Variants in MAP4K5 observed in about 807,000 individuals in gnomAD.
The protein encoded by MAP4K5 is mitogen-activated protein kinase kinase kinase kinase 5.
Under a neutral mutation model 135.6 loss-of-function variants are expected in MAP4K5, and 82 were observed. The observed-to-expected ratio is 0.60, with a 90% CI of 0.51 to 0.73. The LOEUF is 0.73. Among genes scored for constraint, MAP4K5 ranks in the 30% least tolerant of loss-of-function variants. The probability of loss-of-function intolerance (pLI) is 0.00; values close to 1 mark genes in which losing one functional copy is unlikely to be tolerated. For missense variants in MAP4K5, 907 were observed against 1,010.9 expected (o/e 0.90, Z 1.39); for synonymous variants, 347 against 335.0 (o/e 1.04, Z -0.39).
chr14:50,441,210 G>C (rs890469305), intron 21 of MAP4K5, among the ~76,000 whole-genome samples: 9 of 152,054 alleles, frequency 5.9e-5, no homozygotes, highest in Admixed American at 2.6e-4. Flanking sequence ...ATTCTGAATG[G>C]CAATAGTATA....
chr14:50,441,980 G>A (rs995369706), intron 21 of MAP4K5, among the ~76,000 whole-genome samples: 3 of 151,886 alleles, frequency 2.0e-5, no homozygotes, highest in African/African-American at 7.3e-5. Context: ...AGTAAATATC[G>A]GGAGTGATTC....
intron 2 of MAP4K5, among the ~76,000 whole-genome samples, chr14:50,520,268 G>A (rs2038121228): frequency 6.6e-6 from 1 of 152,202 alleles, no homozygotes; most frequent in African/African-American, 2.4e-5. Flanking sequence ...GGAGGCCAAG[G>A]TGGACACATC....
intron 26 of MAP4K5, among the ~76,000 whole-genome samples, chr14:50,435,368 T>A (rs993680030): frequency 4.6e-5 from 7 of 152,056 alleles, no homozygotes; most frequent in Non-Finnish European, 1.5e-5. Flanking sequence ...CCCGTCCTCC[T>A]TCTTTCTTTT....
At chr14:50,429,983 GATT>G (rs1301061007) in intron 28 of MAP4K5, among the ~76,000 whole-genome samples, 1 of 151,928 alleles carries the variant, frequency 6.6e-6, no homozygotes, top group African/African-American at 2.4e-5. Flanking sequence ...AAAGATTTTA[GATT>G]ATTTAGAGCA....
chr14:50,446,285 A>G (rs147600868), intron 16 of MAP4K5, among the ~76,000 whole-genome samples, 164 bp from the exon 17 acceptor site: 1 of 152,298 alleles, frequency 6.6e-6, no homozygotes, highest in Admixed American at 6.5e-5. Context: ...CCTCACTCAT[A>G]TTGTCAAATT....
At chr14:50,543,925 C>T (rs1042972589) in intron 1 of MAP4K5, among the ~76,000 whole-genome samples, 6 of 152,120 alleles carry the variant, frequency 3.9e-5, no homozygotes, top group South Asian at 2.1e-4. Context: ...TTCTATTTAA[C>T]GGGAAGCTGA....
intron 13 of MAP4K5, among the ~76,000 whole-genome samples, chr14:50,458,591 G>A (rs879901825): frequency 1.3e-5 from 2 of 151,958 alleles, no homozygotes; most frequent in African/African-American, 2.4e-5. Context: ...TGTTCTCATT[G>A]AAACTCTCCT....
chr14:50,463,906 A>T lies in MAP4K5; in HGVS notation c.819+146T>A, dbSNP rs1595470015. 1.6e-4 allele frequency: 6 copies of T among 37,098 alleles called. No homozygotes were observed. The South Asian group carries it at 1.8e-3, about 11-fold the overall frequency. 2.3% of individuals were successfully genotyped at this position (37,098 alleles called of 1,614,324 possible). ...ACCCTGTTTCCAAAAAAAAAAAAAA[A>T]AAAAAAAAAAAAAAAAAAAAAAGTT... On this transcript the variant is annotated intron_variant, in intron 12 of 32. Coordinates refer to ENST00000682126, the MANE Select transcript of MAP4K5 (RefSeq NM_006575.6).
Position 50,532,156 on chromosome 14 carries a change from C to A in MAP4K5, c.-107G>T. On this transcript the variant is annotated splice_region_variant and 5_prime_UTR_variant, in exon 2 of 33. Transcript: ENST00000682126. Reference sequence around the variant, plus strand: ...AACATGGAGCCTCCGCCCGCAGCTCCGTCTGCACGAGGGACGAGCAAAGGC... The same window carrying A: ...AACATGGAGCCTCCGCCCGCAGCTCAGTCTGCACGAGGGACGAGCAAAGGC... 4.3e-6 allele frequency: 3 copies of A among 701,364 alleles called. No homozygotes were observed. The South Asian group carries it at 5.3e-5, about 12-fold the overall frequency. The allele number at this position is 701,364 out of a possible 1,614,324, so 43.4% of individuals were successfully genotyped here.
chr14:50,428,307 A>G (rs898741415), intron 30 of MAP4K5, among the ~76,000 whole-genome samples: 5 of 152,034 alleles, frequency 3.3e-5, no homozygotes, highest in East Asian at 1.9e-4. Context: ...CCAGGCTGGA[A>G]TGCAATGGCA....
At chr14:50,554,493 G>A (rs143479590) in intron 1 of MAP4K5, among the ~76,000 whole-genome samples, 1 of 152,180 alleles carries the variant, frequency 6.6e-6, no homozygotes, top group Non-Finnish European at 1.5e-5. Context: ...GGGGAATGGG[G>A]TGGATTGTAG....
chr14:50,537,590 A>G (rs2038511041), upstream of MAP4K5, among the ~76,000 whole-genome samples: 1 of 152,238 alleles, frequency 6.6e-6, no homozygotes, highest in African/African-American at 2.4e-5. Flanking sequence ...TTCCCATGAA[A>G]GCAGCCAGAG....
rs759546961 is a variant in MAP4K5 at position 50,420,101 on chromosome 14, A to G, written c.2459T>C (p.Val820Ala). The G allele has an allele frequency of 1.2e-6, 2 of 1,603,516 alleles. No homozygotes were observed. The highest frequency in any genetic ancestry group is 1.7e-4 in the Middle Eastern group (1 of 6,052). ...TTCTGTTGGCCTACTTTCCAAAACG[A>G]CAACCCTGTAATTAAACCAAAACAA... Reference protein sequence around the residue: ...VFRLLGSDRVVVLESRPTENP... With the variant: ...VFRLLGSDRVAVLESRPTENP... The change falls in exon 33 of 33, where the codon GTC (valine) becomes GCC (alanine). Residue 820 changes from valine (V) to alanine (A), a missense_variant. Physicochemically the swap from Val to Ala is moderately conservative, Grantham distance 64. Around this residue, in one of 3 missense-constraint regions of MAP4K5, gnomAD observed 690 missense variants for 777.4 expected, o/e 0.89. Transcript: ENST00000682126.
At chr14:50,493,547 T>C (rs2037530829) in intron 3 of MAP4K5, among the ~76,000 whole-genome samples, 1 of 152,112 alleles carries the variant, frequency 6.6e-6, no homozygotes, top group Non-Finnish European at 1.5e-5. Context: ...ATCATATGTA[T>C]AGAAAATCCT....
At chr14:50,503,764 A>G (rs1192230593) in intron 3 of MAP4K5, among the ~76,000 whole-genome samples, 1 of 152,076 alleles carries the variant, frequency 6.6e-6, no homozygotes. Context: ...AGGGATAAAT[A>G]TCTTTGTTTT....
chr14:50,445,544 A>G (rs536512800), intron 17 of MAP4K5, among the ~76,000 whole-genome samples: 2 of 152,268 alleles, frequency 1.3e-5, no homozygotes, highest in South Asian at 2.1e-4. Flanking sequence ...TTCTTCAATA[A>G]GCAATAACCT....
At chr14:50,465,792 A>T (rs2036818931) in intron 11 of MAP4K5, among the ~76,000 whole-genome samples, 1 of 152,268 alleles carries the variant, frequency 6.6e-6, no homozygotes, top group East Asian at 1.9e-4. Context: ...TATAAAGAAC[A>T]CTGGGCCGGG....
At chr14:50,516,350 T>C (rs2038033180) in intron 2 of MAP4K5, among the ~76,000 whole-genome samples, 1 of 152,160 alleles carries the variant, frequency 6.6e-6, no homozygotes, top group African/African-American at 2.4e-5. Context: ...GTTTTGGACA[T>C]ACTTAAAATT....
intron 6 of MAP4K5, among the ~76,000 whole-genome samples, chr14:50,479,445 ATCCTTTGTTAAT>A (rs914351076): frequency 3.4e-5 from 5 of 147,838 alleles, no homozygotes; most frequent in Admixed American, 1.3e-4. Context: ...GTTAATTAAC[ATCCTTTGTTAAT>A]TCCTTTGTTA....
Sources: allele counts gnomAD v4.1 joint callset (sites outside exome capture counted in the v4.1 genomes callset), GRCh38; gene constraint gnomAD v4.1.1; regional missense constraint gnomAD v4.1.1; transcripts MANE v1.5; gene names NCBI Gene and HGNC (gene_info 2026-07-23, HGNC 2026-07-21).